KLHL3: variants seen among roughly 807,000 people sequenced by gnomAD.
KLHL3 encodes the protein kelch like family member 3, also known as kelch-like protein 3.
A neutral mutation model predicts 70.5 loss-of-function variants in KLHL3; 19 were observed. The ratio of observed to expected loss-of-function variants is 0.27; its 90% confidence interval spans 0.19 to 0.40. The LOEUF (loss-of-function observed/expected upper bound fraction) is 0.40, where lower values mean the gene tolerates loss of function less well. Among genes scored for constraint, KLHL3 ranks in the 10% least tolerant of loss-of-function variants. The probability of loss-of-function intolerance (pLI) is 1.00; values close to 1 mark genes in which losing one functional copy is unlikely to be tolerated. For synonymous variants in KLHL3, 258 were observed against 290.3 expected (o/e 0.89, Z 1.13); for missense variants, 512 against 771.1 (o/e 0.66, Z 3.98).
chr5:137,729,831 T>C (rs1753143772), intron 1 of KLHL3, among the ~76,000 whole-genome samples: 1 of 152,114 alleles, frequency 6.6e-6, no homozygotes, highest in Non-Finnish European at 1.5e-5. Flanking sequence ...AGAACCTGAC[T>C]CTTGAAGATG....
intron 1 of KLHL3, among the ~76,000 whole-genome samples, chr5:137,732,838 T>C (rs1174351270): frequency 6.6e-6 from 1 of 152,214 alleles, no homozygotes; most frequent in Non-Finnish European, 1.5e-5. Flanking sequence ...GAAGTGTAAG[T>C]ACTGTTATTA....
At chr5:137,679,158 G>A (rs1038954189) in intron 5 of KLHL3, among the ~76,000 whole-genome samples, 1 of 150,356 alleles carries the variant, frequency 6.7e-6, no homozygotes, top group Middle Eastern at 3.2e-3. Flanking sequence ...TTCTTTGGAT[G>A]GTAAGAATTT....
rs576720491 is a variant in KLHL3, at chr5:137,621,980, G to A, written c.*118C>T. On this transcript the variant is annotated 3_prime_UTR_variant, in exon 15 of 15. Transcript: ENST00000309755. ...CAGTCTGCCAAGTCAGAGGAGAGCG[G>A]TTCTCACAGCAGCACAGACCCTCCC... The A allele has an allele frequency of 1.3e-4, 142 of 1,068,664 alleles. No homozygotes were observed. The East Asian group carries it at 2.5e-3, about 19-fold the overall frequency. The allele number at this position is 1,068,664 out of a possible 1,614,324, so 66.2% of individuals were successfully genotyped here.
Position 137,698,317 on chromosome 5 carries a change from A to G in KLHL3, c.333T>C (p.Ala111=). 7.4e-6 allele frequency: 12 copies of G among 1,614,222 alleles called. No individual in the cohort carries two copies. Among genetic ancestry groups the G allele is most frequent in the Non-Finnish European group, 1.0e-5 (12 of 1,180,030 alleles). Reference sequence around the variant, plus strand: ...CATTCTCTTCAGTCACCTCGATTTCAGCAGTATAGATGTAGTCAATCAGCT... The same window carrying G: ...CATTCTCTTCAGTCACCTCGATTTCGGCAGTATAGATGTAGTCAATCAGCT... ...LSKLIDYIYT[A]EIEVTEENVQ... The change falls in exon 4 of 15, where the codon GCT becomes GCC. Residue 111 remains alanine (A), a synonymous_variant. Coordinates refer to ENST00000309755, the MANE Select transcript of KLHL3 (RefSeq NM_017415.3).
chr5:137,689,384 T>C (rs1752262395), intron 5 of KLHL3, among the ~76,000 whole-genome samples: 4 of 152,246 alleles, frequency 2.6e-5, no homozygotes, highest in Admixed American at 2.6e-4. Flanking sequence ...TGCACACATA[T>C]GTTCATTAAG....
At chr5:137,688,037 G>A (rs1752229996) in intron 5 of KLHL3, among the ~76,000 whole-genome samples, 1 of 45,514 alleles carries the variant, frequency 2.2e-5, no homozygotes, top group Non-Finnish European at 4.1e-5. Context: ...TCGGAAGGCC[G>A]CAGGGACCTC....
intron 3 of KLHL3, 28 bp downstream of exon 3, chr5:137,709,722 A>G (rs952052523): frequency 1.9e-6 from 3 of 1,550,182 alleles, no homozygotes; most frequent in South Asian, 1.1e-5. Flanking sequence ...CCCCATAACC[A>G]TGGGTTAATG....
chr5:137,706,481 T>C (rs1221844990), intron 3 of KLHL3: 1 of 598,902 alleles, frequency 1.7e-6, no homozygotes, highest in African/African-American at 2.0e-5. Flanking sequence ...AACTGTTCTT[T>C]AGATCAATGC....
At chr5:137,711,867 GAAGA>G (rs1449729259) in intron 2 of KLHL3, among the ~76,000 whole-genome samples, 2 of 151,968 alleles carry the variant, frequency 1.3e-5, no homozygotes, top group African/African-American at 4.8e-5. Context: ...TTACATTTAG[GAAGA>G]AAATTGAGTT....
rs1167912175 is a variant in KLHL3, at chr5:137,709,820, T to G, written c.171A>C (p.Glu57Asp). The change falls in exon 3 of 15, where the codon GAA (glutamate) becomes GAC (aspartate). Residue 57 changes from glutamate (E) to aspartate (D), a missense_variant. Transcript: ENST00000309755. ...CACGGTGGGCTTCTATCTCGACATC[T>G]TCTGCCACAATCATCACGTCACACA... ...QLLCDVMIVA[E>D]DVEIEAHRVV... 3 of 1,613,968 alleles carry G rather than the reference T, an allele frequency of 1.9e-6. No homozygotes were observed. The highest frequency in any genetic ancestry group is 2.5e-6 in the Non-Finnish European group (3 of 1,180,010).
At chr5:137,698,147 C>G (rs1283963194) in intron 4 of KLHL3, 140 bp downstream of exon 4, 3 of 1,089,734 alleles carry the variant, frequency 2.8e-6, no homozygotes, top group Non-Finnish European at 4.0e-6. Flanking sequence ...TGGCCCAGGG[C>G]AGGTCACCTG....
At chr5:137,722,016 C>T (rs975637094) in intron 1 of KLHL3, among the ~76,000 whole-genome samples, 3 of 152,184 alleles carry the variant, frequency 2.0e-5, no homozygotes, top group African/African-American at 7.2e-5. Flanking sequence ...TGCTTTGCTA[C>T]TAGGAAAACA....
intron 10 of KLHL3, among the ~76,000 whole-genome samples, chr5:137,637,616 T>G (rs1195863744): frequency 1.3e-5 from 2 of 152,244 alleles, no homozygotes; most frequent in Non-Finnish European, 2.9e-5. Context: ...GAGAGTGGGC[T>G]GTGAAAGGAC....
At chr5:137,721,990 G>C (rs980088203) in intron 1 of KLHL3, among the ~76,000 whole-genome samples, 6 of 152,300 alleles carry the variant, frequency 3.9e-5, no homozygotes, top group African/African-American at 1.4e-4. Context: ...TTACCGGTTT[G>C]ATCTAGGCTA....
intron 3 of KLHL3, among the ~76,000 whole-genome samples, chr5:137,707,209 G>A (rs1278675453): frequency 6.6e-6 from 1 of 152,218 alleles, no homozygotes; most frequent in Non-Finnish European, 1.5e-5. Flanking sequence ...CGAAGCAGGT[G>A]GATCACTTGA....
At chr5:137,710,003 G>A in intron 2 of KLHL3, 147 bp from the exon 3 acceptor site, 1 of 668,398 alleles carries the variant, frequency 1.5e-6, no homozygotes, top group Non-Finnish European at 2.7e-6. Flanking sequence ...AGTTAGGGAG[G>A]GGGGTGGATT....
chr5:137,659,972 G>A (rs1185059039), intron 7 of KLHL3, among the ~76,000 whole-genome samples: 1 of 152,098 alleles, frequency 6.6e-6, no homozygotes, highest in Non-Finnish European at 1.5e-5. Flanking sequence ...TGTTGGTGGA[G>A]GTCTGCCCAG....
At chr5:137,623,546 T>C (rs1750376963) in intron 14 of KLHL3, among the ~76,000 whole-genome samples, 1 of 152,196 alleles carries the variant, frequency 6.6e-6, no homozygotes, top group African/African-American at 2.4e-5. Flanking sequence ...ATATAACCTT[T>C]ATCTTAATAA....
chr5:137,658,010 G>A, intron 8 of KLHL3, 121 bp downstream of exon 8: 1 of 933,966 alleles, frequency 1.1e-6, no homozygotes, highest in East Asian at 2.4e-5. Flanking sequence ...CATCTCCTAG[G>A]TTGTAAATGC....
Sources: gnomAD v4.1 joint callset for allele counts (sites outside exome capture counted in the v4.1 genomes callset) on GRCh38, gnomAD v4.1.1 for gene constraint, MANE v1.5 for transcripts, NCBI Gene and HGNC (gene_info 2026-07-23, HGNC 2026-07-21) for gene names.